The following MRTFB variants were observed in gnomAD, a reference collection of about 807,000 sequenced individuals.
MRTFB encodes myocardin related transcription factor B.
A neutral mutation model predicts 104.2 loss-of-function variants in MRTFB; 29 were observed. The ratio of observed to expected loss-of-function variants is 0.28; its 90% CI spans 0.21 to 0.38. MRTFB has a LOEUF of 0.38. Among genes scored for constraint, MRTFB ranks in the 10% least tolerant of loss-of-function variants. MRTFB has a pLI of 1.00. For synonymous variants in MRTFB, 535 were observed against 519.5 expected (o/e 1.03, Z -0.41); for missense variants, 1,270 against 1,341.6 (o/e 0.95, Z 0.83).
chr16:14,181,361 C>T (rs1458446787), intron 3 of MRTFB, among the ~76,000 whole-genome samples: 6 of 152,154 alleles, frequency 3.9e-5, no homozygotes, highest in South Asian at 2.1e-4. Flanking sequence ...AAAAAATTTA[C>T]GTGTACCCTA....
the MRTFB span, among the ~76,000 whole-genome samples, chr16:14,004,643 GAC>G: frequency 6.6e-6 from 1 of 152,226 alleles, no homozygotes; most frequent in East Asian, 1.9e-4. Context: ...ACCTGAGCCA[GAC>G]ACAGGGACTG....
chr16:14,136,723 A>G (rs1335551802), intron 2 of MRTFB, among the ~76,000 whole-genome samples: 3 of 152,024 alleles, frequency 2.0e-5, no homozygotes, highest in Non-Finnish European at 4.4e-5. Flanking sequence ...GAATGAATAG[A>G]TGAAAAATGA....
At chr16:14,153,609 CTCATA>C (rs1012516684) in intron 3 of MRTFB, among the ~76,000 whole-genome samples, 11 of 152,104 alleles carry the variant, frequency 7.2e-5, no homozygotes, top group African/African-American at 2.7e-4. Context: ...GGAATTTAAA[CTCATA>C]TCAAGTTAGG....
the MRTFB span, among the ~76,000 whole-genome samples, chr16:14,012,530 C>T: frequency 6.6e-6 from 1 of 151,950 alleles, no homozygotes; most frequent in Non-Finnish European, 1.5e-5. Flanking sequence ...GATCTCCTGA[C>T]CTCGAGATCT....
intron 3 of MRTFB, among the ~76,000 whole-genome samples, chr16:14,148,922 A>G (rs973211761): frequency 2.0e-5 from 3 of 152,216 alleles, no homozygotes; most frequent in Non-Finnish European, 4.4e-5. Flanking sequence ...CATCTCAGCT[A>G]ACCAATGGAC....
intron 2 of MRTFB, among the ~76,000 whole-genome samples, chr16:14,115,715 G>A (rs557985672): frequency 9.2e-5 from 14 of 152,324 alleles, no homozygotes; most frequent in African/African-American, 3.4e-4. Flanking sequence ...AATCAGCTCA[G>A]ATTCTGATTT....
the MRTFB span, among the ~76,000 whole-genome samples, chr16:14,016,822 G>A: frequency 4.8e-4 from 65 of 134,974 alleles, no homozygotes; most frequent in Admixed American, 3.3e-3. Flanking sequence ...TTCCCAGGCC[G>A]TATGGTGGTT....
At chr16:14,239,769 A>G (rs1597349235) in intron 9 of MRTFB, among the ~76,000 whole-genome samples, 1 of 152,214 alleles carries the variant, frequency 6.6e-6, no homozygotes, top group South Asian at 2.1e-4. Flanking sequence ...TATATTGCTT[A>G]AAGATAGTTT....
At chr16:14,056,372 CTTA>C in the MRTFB span, among the ~76,000 whole-genome samples, 1 of 151,984 alleles carries the variant, frequency 6.6e-6, no homozygotes, top group Non-Finnish European at 1.5e-5. Flanking sequence ...TTCTTCCTTT[CTTA>C]TTATTATGGA....
At chr16:14,207,753 C>T (rs2041014713) in intron 3 of MRTFB, among the ~76,000 whole-genome samples, 1 of 152,114 alleles carries the variant, frequency 6.6e-6, no homozygotes, top group South Asian at 2.1e-4. Context: ...TGAGTTGTAT[C>T]CTTTAGAATA....
intron 2 of MRTFB, among the ~76,000 whole-genome samples, chr16:14,114,571 T>C (rs541170110): frequency 6.6e-6 from 1 of 152,326 alleles, no homozygotes; most frequent in Admixed American, 6.5e-5. Flanking sequence ...ACCATGCTTG[T>C]GCTGGCTCTG....
At position 14,231,657 on chromosome 16, in the gene MRTFB, G is replaced by A. The variant is rs988428458; in HGVS notation, c.694-2489G>A. On this transcript the variant is annotated intron_variant, in intron 8 of 16. Coordinates refer to ENST00000571589, the MANE Select transcript of MRTFB (RefSeq NM_001308142.2). ...TATTTGGTTTTCTGTTCCTGCATTC[G>A]TTCACTACTGTAATGGCCCCCAGCT... Among the ~76,000 whole-genome samples, 7 of 152,054 alleles carry A rather than the reference G, an allele frequency of 4.6e-5. No homozygotes were observed. The South Asian group carries it at 6.2e-4, about 14-fold the overall frequency.
intron 2 of MRTFB, among the ~76,000 whole-genome samples, chr16:14,107,545 G>T (rs1473825213): frequency 6.6e-6 from 1 of 152,230 alleles, no homozygotes; most frequent in Non-Finnish European, 1.5e-5. Flanking sequence ...GGTGAGCACA[G>T]TTGGGGAAGA....
chr16:14,176,898 A>G (rs554118276), intron 3 of MRTFB, among the ~76,000 whole-genome samples: 1 of 152,238 alleles, frequency 6.6e-6, no homozygotes, highest in Non-Finnish European at 1.5e-5. Context: ...GACAGGTATC[A>G]TGAGTGTTCA....
At chr16:14,147,533 T>A (rs1261557201) in intron 3 of MRTFB, among the ~76,000 whole-genome samples, 2 of 152,206 alleles carry the variant, frequency 1.3e-5, no homozygotes, top group African/African-American at 4.8e-5. Flanking sequence ...ACAGTTTTTG[T>A]TGTTACTGAG....
At chr16:14,178,860 C>T (rs1597165030) in intron 3 of MRTFB, among the ~76,000 whole-genome samples, 1 of 152,224 alleles carries the variant, frequency 6.6e-6, no homozygotes, top group East Asian at 1.9e-4. Flanking sequence ...AGCTATCCTC[C>T]CACCTCAGCC....
At chr16:14,150,500 A>G (rs1238840763) in intron 3 of MRTFB, among the ~76,000 whole-genome samples, 1 of 152,156 alleles carries the variant, frequency 6.6e-6, no homozygotes, top group Non-Finnish European at 1.5e-5. Flanking sequence ...TATATGCGTT[A>G]TGTACTGTAT....
intron 8 of MRTFB, among the ~76,000 whole-genome samples, chr16:14,231,433 T>C (rs1170999603): frequency 6.6e-6 from 1 of 150,638 alleles, no homozygotes; most frequent in African/African-American, 2.5e-5. Flanking sequence ...AGGTGTGTTA[T>C]ATTCGTAAAT....
At chr16:14,205,578 G>A (rs973104971) in intron 3 of MRTFB, among the ~76,000 whole-genome samples, 2 of 152,200 alleles carry the variant, frequency 1.3e-5, no homozygotes, top group African/African-American at 4.8e-5. Flanking sequence ...TTAGGACCAT[G>A]TGTTGGATTG....
Sources: allele counts gnomAD v4.1 joint callset (sites outside exome capture counted in the v4.1 genomes callset), GRCh38; gene constraint gnomAD v4.1.1; transcripts MANE v1.5; gene names NCBI Gene and HGNC (gene_info 2026-07-23, HGNC 2026-07-21).